Variants in KIF16B observed in about 807,000 individuals in gnomAD.
The protein encoded by KIF16B is kinesin family member 16B.
A neutral mutation model predicts 156.3 loss-of-function variants in KIF16B; 98 were observed. The observed-to-expected ratio is 0.63, with a 90% CI of 0.53 to 0.74. KIF16B has a LOEUF of 0.74. KIF16B is among the 30% of genes least tolerant of loss of function. KIF16B has a pLI of 0.00. For missense variants in KIF16B, 1,421 were observed against 1,606.5 expected (o/e 0.88, Z 1.97); for synonymous variants, 564 against 583.7 (o/e 0.97, Z 0.49).
intron 12 of KIF16B, among the ~76,000 whole-genome samples, chr20:16,450,443 G>T (rs951252223): frequency 2.6e-5 from 4 of 152,128 alleles, no homozygotes; most frequent in Admixed American, 6.5e-5. Context: ...TACCGCAAAA[G>T]CTTTCCCAGC....
intron 1 of KIF16B, among the ~76,000 whole-genome samples, chr20:16,564,629 G>A (rs6131843): frequency 0.2 from 30,501 of 150,712 alleles, 3,132 homozygotes; most frequent in East Asian, 0.23. Flanking sequence ...TAACCTGCAC[G>A]TTGTGCACAT....
At chr20:16,391,692 G>A (rs1335697191) in intron 17 of KIF16B, among the ~76,000 whole-genome samples, 1 of 152,150 alleles carries the variant, frequency 6.6e-6, no homozygotes, top group African/African-American at 2.4e-5. Flanking sequence ...AGGACCACAT[G>A]GTGCCAGCAG....
At chr20:16,509,541 T>C (rs575310986) in intron 6 of KIF16B, among the ~76,000 whole-genome samples, 26 of 152,320 alleles carry the variant, frequency 1.7e-4, no homozygotes, top group African/African-American at 6.0e-4. Context: ...AGTATTCTTA[T>C]TTTGTTTTTC....
intron 12 of KIF16B, among the ~76,000 whole-genome samples, chr20:16,430,840 T>A (rs1374924159): frequency 2.7e-5 from 4 of 148,108 alleles, no homozygotes; most frequent in Admixed American, 2.7e-4. Context: ...GTATACTGTG[T>A]GTGTGTATGT....
At chr20:16,342,378 T>A (rs2123023396) in intron 23 of KIF16B, among the ~76,000 whole-genome samples, 1 of 152,268 alleles carries the variant, frequency 6.6e-6, no homozygotes, top group South Asian at 2.1e-4. Context: ...ACGTGCCTGG[T>A]ACCATATTAG....
intron 13 of KIF16B, among the ~76,000 whole-genome samples, chr20:16,429,630 G>C (rs1453691359): frequency 6.6e-6 from 1 of 152,106 alleles, no homozygotes; most frequent in East Asian, 1.9e-4. Context: ...TAATCCTACA[G>C]AATAGAGGGC....
At chr20:16,281,508 T>G (rs2063145756) in intron 25 of KIF16B, among the ~76,000 whole-genome samples, 2 of 152,156 alleles carry the variant, frequency 1.3e-5, no homozygotes, top group Non-Finnish European at 2.9e-5. Context: ...ATATGATCCA[T>G]CCAGTCAAGT....
intron 12 of KIF16B, among the ~76,000 whole-genome samples, chr20:16,476,707 C>T (rs1025932355): frequency 2.0e-5 from 3 of 152,134 alleles, no homozygotes; most frequent in African/African-American, 7.2e-5. Flanking sequence ...TTCCCCTCAC[C>T]AAAGTGAAGT....
intron 25 of KIF16B, among the ~76,000 whole-genome samples, chr20:16,296,933 C>T (rs552751302): frequency 6.6e-6 from 1 of 152,302 alleles, no homozygotes; most frequent in South Asian, 2.1e-4. Flanking sequence ...CAGGTGAAGG[C>T]CTGAACAGAA....
chr20:16,383,185 G>A (rs1003430452), intron 17 of KIF16B, among the ~76,000 whole-genome samples: 2 of 152,126 alleles, frequency 1.3e-5, no homozygotes. Context: ...GGCAGGTGCT[G>A]TGTGGCATGA....
At position 16,379,389 on chromosome 20, in the gene KIF16B, T is replaced by G. The variant is rs1388542841; in HGVS notation, c.2613A>C (p.Glu871Asp). 20 of 1,605,146 alleles carry G rather than the reference T, an allele frequency of 1.2e-5. No individual in the cohort carries two copies. The highest frequency in any genetic ancestry group is 1.7e-5 in the Non-Finnish European group (20 of 1,176,230). Reference sequence around the variant, plus strand: ...CATCATGTTTTTCCAACAATCTAGATTCTTTGTCATGTTCACATTTTAAAC... The same window carrying G: ...CATCATGTTTTTCCAACAATCTAGAGTCTTTGTCATGTTCACATTTTAAAC... ...LECLKCEHDK[E>D]SRLLEKHDES... Residue 871 changes from glutamate to aspartate, a missense_variant, in exon 19 of 26, where the codon GAA becomes GAC. Physicochemically the swap from Glu to Asp is conservative, Grantham distance 45. Coordinates refer to ENST00000354981, the MANE Select transcript of KIF16B (RefSeq NM_024704.5).
In KIF16B at chr20:16,368,028, C is replaced by T. The variant is rs147545985; in HGVS notation, c.3498+2558G>A. On this transcript the variant is annotated intron_variant, in intron 22 of 25. Coordinates refer to ENST00000354981, the MANE Select transcript of KIF16B (RefSeq NM_024704.5). ...AAGTTGACTGAAGCAGGAGCAAACA[C>T]GCTGGTTGAGGGTCAGGTGCTGTGC... is the stretch of plus-strand genomic sequence containing the variant. The T allele has an allele frequency of 1.1e-4, 156 of 1,406,456 alleles. No individual in the cohort carries two copies. In the East Asian group the frequency reaches 1.1e-3, roughly 10 times the overall value. The allele number at this position is 1,406,456 out of a possible 1,614,324, so 87.1% of individuals were successfully genotyped here. A position where few individuals can be genotyped will look rare whatever the true frequency, so the allele number is the denominator to read the frequency against.
intron 25 of KIF16B, among the ~76,000 whole-genome samples, chr20:16,300,627 T>C (rs1418965623): frequency 6.6e-6 from 1 of 152,172 alleles, no homozygotes; most frequent in Non-Finnish European, 1.5e-5. Flanking sequence ...TATAAATACA[T>C]AACTACCACA....
At chr20:16,437,397 G>T (rs1363386561) in intron 12 of KIF16B, among the ~76,000 whole-genome samples, 1 of 152,214 alleles carries the variant, frequency 6.6e-6, no homozygotes, top group African/African-American at 2.4e-5. Context: ...TTGATTCAGA[G>T]ACTGGGAAGG....
intron 3 of KIF16B, among the ~76,000 whole-genome samples, chr20:16,516,651 C>A (rs1308998752): frequency 6.6e-6 from 1 of 152,146 alleles, no homozygotes; most frequent in African/African-American, 2.4e-5. Context: ...CAGGAGCATT[C>A]GGTCTATGAG....
chr20:16,488,135 T>A (rs1412518340), intron 12 of KIF16B, among the ~76,000 whole-genome samples: 1 of 152,158 alleles, frequency 6.6e-6, no homozygotes, highest in East Asian at 1.9e-4. Flanking sequence ...CATCAAAGGA[T>A]ACGTTTTCAG....
At chr20:16,507,438 C>A (rs6135769) in intron 7 of KIF16B, among the ~76,000 whole-genome samples, 36,213 of 152,034 alleles carry the variant, frequency 0.24, 4,946 homozygotes, top group East Asian at 0.36. Flanking sequence ...AAATATTTAC[C>A]CTCAATAATT....
intron 1 of KIF16B, among the ~76,000 whole-genome samples, chr20:16,556,565 T>C (rs2070856824): frequency 6.6e-6 from 1 of 152,172 alleles, no homozygotes; most frequent in Non-Finnish European, 1.5e-5. Flanking sequence ...TGACAACATA[T>C]GTCAGGCCAA....
At chr20:16,480,621 GA>G (rs2067953685) in intron 12 of KIF16B, among the ~76,000 whole-genome samples, 1 of 152,216 alleles carries the variant, frequency 6.6e-6, no homozygotes, top group South Asian at 2.1e-4. Flanking sequence ...GATAAGCAGT[GA>G]AGAGGTGACA....
Sources: allele counts gnomAD v4.1 joint callset (sites outside exome capture counted in the v4.1 genomes callset), GRCh38; gene constraint gnomAD v4.1.1; transcripts MANE v1.5; gene names NCBI Gene and HGNC (gene_info 2026-07-23, HGNC 2026-07-21).